The following CORO2B variants were observed in gnomAD, a reference collection of about 807,000 sequenced individuals.
The protein encoded by CORO2B is coronin-2B.
A neutral mutation model predicts 58.8 loss-of-function variants in CORO2B; 26 were observed. The observed-to-expected ratio is 0.44, with a 90% CI of 0.32 to 0.61. The LOEUF is 0.61. Among genes scored for constraint, CORO2B ranks in the 20% least tolerant of loss-of-function variants. The pLI is 0.04. For missense variants in CORO2B, 460 were observed against 645.1 expected, an observed-to-expected ratio of 0.71 and a Z score of 3.11; for synonymous variants, 242 against 253.8, an observed-to-expected ratio of 0.95 and a Z score of 0.44.
At chr15:68,662,989 C>A (rs896638838) in intron 2 of CORO2B, among the ~76,000 whole-genome samples, 1 of 151,472 alleles carries the variant, frequency 6.6e-6, no homozygotes. Flanking sequence ...TAAAATATTT[C>A]TAGGCTACCT....
At chr15:68,548,386 G>T in the CORO2B span, among the ~76,000 whole-genome samples, 2 of 152,080 alleles carry the variant, frequency 1.3e-5, no homozygotes, top group Non-Finnish European at 2.9e-5. Context: ...CCTATTTGCA[G>T]TGGTGTTCTG....
intron 2 of CORO2B, among the ~76,000 whole-genome samples, chr15:68,678,434 G>T (rs1902659514): frequency 6.6e-6 from 1 of 152,152 alleles, no homozygotes; most frequent in African/African-American, 2.4e-5. Flanking sequence ...AACACTTTGG[G>T]AGGCCGACTT....
chr15:68,559,653 CCT>C, the CORO2B span: 2 of 985,030 alleles, frequency 2.0e-6, no homozygotes, highest in African/African-American at 3.5e-5. The surrounding 1 kb of genome is among the most constrained non-coding windows in gnomAD (Gnocchi z 4.3). Flanking sequence ...TAACCCTTTC[CCT>C]GTCTGGGCCT....
intron 1 of CORO2B, among the ~76,000 whole-genome samples, chr15:68,608,582 A>T (rs1241739571): frequency 6.6e-6 from 1 of 152,192 alleles, no homozygotes; most frequent in Non-Finnish European, 1.5e-5. Flanking sequence ...GGCTCTGTGC[A>T]GTGAAGGGAT....
chr15:68,664,049 T>C (rs768661354), intron 2 of CORO2B, among the ~76,000 whole-genome samples: 5 of 152,242 alleles, frequency 3.3e-5, no homozygotes, highest in African/African-American at 4.8e-5. Flanking sequence ...GGAACTCTCA[T>C]ACTACACTGC....
intron 1 of CORO2B, among the ~76,000 whole-genome samples, chr15:68,623,945 C>T (rs1003106193): frequency 5.3e-5 from 8 of 152,268 alleles, no homozygotes; most frequent in South Asian, 2.1e-4. Flanking sequence ...CTAATTCCTC[C>T]TGCTCTCTGC....
chr15:68,721,241 T>G (rs1477874845), intron 11 of CORO2B, among the ~76,000 whole-genome samples: 2 of 152,174 alleles, frequency 1.3e-5, no homozygotes, highest in African/African-American at 2.4e-5. Flanking sequence ...CCTCACAGTC[T>G]TAAGGGGGAG....
At chr15:68,628,148 A>G (rs531829033) in intron 1 of CORO2B, among the ~76,000 whole-genome samples, 1 of 152,368 alleles carries the variant, frequency 6.6e-6, no homozygotes, top group East Asian at 1.9e-4. Context: ...CAATAATGGT[A>G]CATTACCATA....
chr15:68,556,484 C>T, the CORO2B span, among the ~76,000 whole-genome samples: 9 of 152,288 alleles, frequency 5.9e-5, no homozygotes, highest in East Asian at 1.7e-3. Flanking sequence ...GCCACACTCG[C>T]AAGGTCCTTC....
At chr15:68,556,049 C>G in the CORO2B span, among the ~76,000 whole-genome samples, 1 of 152,208 alleles carries the variant, frequency 6.6e-6, no homozygotes, top group African/African-American at 2.4e-5. Context: ...CTCTGCCCTT[C>G]GTGCAGTGCC....
intron 1 of CORO2B, among the ~76,000 whole-genome samples, chr15:68,605,967 G>A (rs560551023): frequency 2.0e-5 from 3 of 151,782 alleles, no homozygotes; most frequent in South Asian, 2.1e-4. Flanking sequence ...CTTGTGATTC[G>A]CCCACCTTGA....
At chr15:68,541,541 G>A in the CORO2B span, among the ~76,000 whole-genome samples, 1 of 152,172 alleles carries the variant, frequency 6.6e-6, no homozygotes, top group South Asian at 2.1e-4. Context: ...CTATATCACT[G>A]CAGTCAATAC....
rs1346959098 is a variant in CORO2B, at chr15:68,629,372, T to C, written c.16-15788T>C. 2.6e-5 allele frequency among the ~76,000 whole-genome samples: 4 copies of C among 152,334 alleles called. No individual in the cohort carries two copies. In the East Asian group the frequency reaches 5.8e-4, roughly 22 times the overall value. ...ACATTCCACTCACTGAGCCTGGAGC[T>C]GATTCTGTTGGAGGAAGAGGCGCCT... is the stretch of plus-strand genomic sequence containing the variant. On this transcript the variant is annotated intron_variant, in intron 1 of 11. Coordinates refer to ENST00000261861, the MANE Select transcript of CORO2B (RefSeq NM_006091.5).
intron 1 of CORO2B, among the ~76,000 whole-genome samples, chr15:68,587,339 C>T (rs1034008932): frequency 1.3e-5 from 2 of 152,142 alleles, no homozygotes; most frequent in Admixed American, 6.5e-5. Context: ...AGTGTCAACA[C>T]CCCTGGAGGC....
intron 3 of CORO2B, among the ~76,000 whole-genome samples, chr15:68,697,997 G>T (rs1892554891): frequency 6.6e-6 from 1 of 152,170 alleles, no homozygotes; most frequent in African/African-American, 2.4e-5. Flanking sequence ...ACCCCAGCTG[G>T]TGTCACCAGC....
intron 2 of CORO2B, among the ~76,000 whole-genome samples, chr15:68,687,382 T>C (rs1367428726): frequency 6.6e-6 from 1 of 152,230 alleles, no homozygotes; most frequent in Non-Finnish European, 1.5e-5. Flanking sequence ...AAGCTGAAGC[T>C]GCAATGCAGG....
chr15:68,598,087 C>T (rs1899886180), intron 1 of CORO2B, among the ~76,000 whole-genome samples: 1 of 152,234 alleles, frequency 6.6e-6, no homozygotes, highest in African/African-American at 2.4e-5. Context: ...CCCCCTCCAC[C>T]ACCTGGATCA....
At chr15:68,682,713 G>A (rs1022505980) in intron 2 of CORO2B, among the ~76,000 whole-genome samples, 21 of 152,178 alleles carry the variant, frequency 1.4e-4, no homozygotes, top group Admixed American at 3.9e-4. Context: ...GAGAGACTGA[G>A]ACCTAGAGAG....
the CORO2B span, among the ~76,000 whole-genome samples, chr15:68,523,980 C>T: frequency 6.6e-6 from 1 of 152,118 alleles, no homozygotes; most frequent in Non-Finnish European, 1.5e-5. Context: ...AATCCAAGCA[C>T]TTTGGGAGGC....
Sources: gnomAD v4.1 joint callset for allele counts (sites outside exome capture counted in the v4.1 genomes callset) on GRCh38, gnomAD v4.1.1 for gene constraint, Gnocchi (gnomAD v3.1) non-coding constraint, MANE v1.5 for transcripts, NCBI Gene and HGNC (gene_info 2026-07-23, HGNC 2026-07-21) for gene names.